TRAM2: variants seen among roughly 807,000 people sequenced by gnomAD.
TRAM2 encodes the protein translocating chain-associated membrane protein 2.
Under a neutral mutation model 51.0 loss-of-function variants are expected in TRAM2, and 12 were observed. That is an observed-to-expected ratio of 0.24 (90% CI 0.15 to 0.38). The LOEUF (loss-of-function observed/expected upper bound fraction) is 0.38, where lower values mean the gene tolerates loss of function less well. Among genes scored for constraint, TRAM2 ranks in the 10% least tolerant of loss-of-function variants. The probability of loss-of-function intolerance (pLI) is 1.00; values close to 1 mark genes in which losing one functional copy is unlikely to be tolerated. For synonymous variants in TRAM2, 175 were observed against 179.4 expected (o/e 0.98, Z 0.20); for missense variants, 361 against 462.0 (o/e 0.78, Z 2.00).
chr6:52,512,485 G>A lies in TRAM2; in HGVS notation c.412-2899C>T, dbSNP rs7770220. ...TCTGTCCAGGCAGCTGTCTGAAGGAGGACTGAGGCTGGGGCACCCTCTGAG... is the reference window on the plus strand; with the variant it reads ...TCTGTCCAGGCAGCTGTCTGAAGGAAGACTGAGGCTGGGGCACCCTCTGAG... On this transcript the variant is annotated intron_variant, in intron 4 of 10. Coordinates refer to ENST00000182527, the MANE Select transcript of TRAM2 (RefSeq NM_012288.4). 2.1e-3 allele frequency among the ~76,000 whole-genome samples: 316 copies of A among 152,296 alleles called. 3 individuals are homozygous for A. The highest frequency in any genetic ancestry group is 7.3e-3 in the African/African-American group (305 of 41,570).
At chr6:52,515,825 A>G (rs1766537154) in intron 4 of TRAM2, 181 bp downstream of exon 4, 1 of 620,894 alleles carries the variant, frequency 1.6e-6, no homozygotes, top group Admixed American at 2.7e-5. Context: ...CTGTAATACC[A>G]TGAGGATGCA....
At position 52,505,971 on chromosome 6, in the gene TRAM2, G is replaced by C. The variant is rs550439604; in HGVS notation, c.731+61C>G. 83 of 1,573,912 alleles carry C rather than the reference G, an allele frequency of 5.3e-5. No homozygotes were observed. The South Asian group carries it at 8.8e-4, about 17-fold the overall frequency. ...CAGGGAGGGACCCTCCAACCATCCG[G>C]GCCTCGGGGGAACCCCTGCCCAGGC... On this transcript the variant is annotated intron_variant, in intron 8 of 10. Coordinates refer to ENST00000182527, the MANE Select transcript of TRAM2 (RefSeq NM_012288.4).
chr6:52,530,616 C>T (rs2114082564), intron 2 of TRAM2, among the ~76,000 whole-genome samples: 1 of 152,262 alleles, frequency 6.6e-6, no homozygotes, highest in African/African-American at 2.4e-5. Context: ...GACACGCACA[C>T]AGGGAGAAGT....
Position 52,576,985 on chromosome 6 carries a change from G to A in TRAM2, c.-70C>T, listed in dbSNP as rs1767781358. 2 of 1,406,608 alleles carry A rather than the reference G, an allele frequency of 1.4e-6. No individual in the cohort carries two copies. The highest frequency in any genetic ancestry group is 9.2e-7 in the Non-Finnish European group (1 of 1,084,432). The allele number at this position is 1,406,608 out of a possible 1,614,324, so 87.1% of individuals were successfully genotyped here. On this transcript the variant is annotated 5_prime_UTR_variant, in exon 1 of 11. Transcript: ENST00000182527. ...ACGAACCGCAGCGCAAACTTCTCCA[G>A]CACCGGCCCGGTCCGCCCGCCGGCC...
chr6:52,544,846 G>T (rs1318750018), intron 1 of TRAM2, among the ~76,000 whole-genome samples: 2 of 152,146 alleles, frequency 1.3e-5, no homozygotes, highest in African/African-American at 2.4e-5. Flanking sequence ...CAGATGAACA[G>T]GAGATACAAA....
chr6:52,538,347 A>C (rs1767011038), intron 1 of TRAM2, among the ~76,000 whole-genome samples: 1 of 152,152 alleles, frequency 6.6e-6, no homozygotes. Flanking sequence ...TTCCTGAGGG[A>C]AGCCTCTCTC....
chr6:52,567,871 G>A (rs1401168794), intron 1 of TRAM2, among the ~76,000 whole-genome samples: 2 of 152,168 alleles, frequency 1.3e-5, no homozygotes. Context: ...GATTAGAAGT[G>A]AGCCCACTAA....
rs1051983288 is a variant in TRAM2 at position 52,501,580 on chromosome 6, CTTG to C, written c.*1614_*1616del. ...TTGTTTTTTTAGACAGAATTTCGCT[CTTG>C]TTGTCCAGGCTGGAGTGCCATGGTA... On this transcript the variant is annotated 3_prime_UTR_variant, in exon 11 of 11. Coordinates refer to ENST00000182527, the MANE Select transcript of TRAM2 (RefSeq NM_012288.4). 4 of 152,168 alleles carry C rather than the reference CTTG, an allele frequency of 2.6e-5. No homozygotes were observed. Among genetic ancestry groups the C allele is most frequent in the Non-Finnish European group, 5.9e-5 (4 of 68,050 alleles). 9.4% of individuals were successfully genotyped at this position (152,168 alleles called of 1,614,324 possible). A position where few individuals can be genotyped will look rare whatever the true frequency, so the allele number is the denominator to read the frequency against.
chr6:52,502,382 C>T lies in TRAM2; in HGVS notation c.*815G>A, dbSNP rs1279838420. 6.6e-6 allele frequency: 1 copy of T among 152,254 alleles called. No homozygotes were observed. The highest frequency in any genetic ancestry group is 2.4e-5 in the African/African-American group (1 of 41,456). 9.4% of individuals were successfully genotyped at this position (152,254 alleles called of 1,614,324 possible). ...TGTGGGTTCTGCCACCATTACCTTTCTGGAGGTGCCTGCTGCGCAGTTTGC... is the reference window on the plus strand; with the variant it reads ...TGTGGGTTCTGCCACCATTACCTTTTTGGAGGTGCCTGCTGCGCAGTTTGC... On this transcript the variant is annotated 3_prime_UTR_variant, in exon 11 of 11. Coordinates refer to ENST00000182527, the MANE Select transcript of TRAM2 (RefSeq NM_012288.4).
chr6:52,573,847 G>A (rs1204378794), intron 1 of TRAM2, among the ~76,000 whole-genome samples: 2 of 152,112 alleles, frequency 1.3e-5, no homozygotes, highest in Non-Finnish European at 2.9e-5. Flanking sequence ...GCTGCCTGGC[G>A]CGTGGGCTGA....
intron 2 of TRAM2, among the ~76,000 whole-genome samples, chr6:52,518,674 G>A (rs1391950664): frequency 6.6e-6 from 1 of 152,090 alleles, no homozygotes; most frequent in Admixed American, 6.6e-5. Flanking sequence ...GATCCAGGAT[G>A]GGGAGTCAGG....
At chr6:52,535,606 G>A (rs931200616) in intron 2 of TRAM2, among the ~76,000 whole-genome samples, 177 bp downstream of exon 2, 1 of 152,166 alleles carries the variant, frequency 6.6e-6, no homozygotes, top group African/African-American at 2.4e-5. Context: ...GCTTGAACCT[G>A]GGATGTGGAG....
Position 52,542,058 on chromosome 6 carries a change from G to C in TRAM2, c.121-6212C>G, listed in dbSNP as rs377206802. On this transcript the variant is annotated intron_variant, in intron 1 of 10. Coordinates refer to ENST00000182527, the MANE Select transcript of TRAM2 (RefSeq NM_012288.4). The stretch of plus-strand genomic sequence containing the variant: ...AAACACAGGGTAAAGCCAAGTGACA[G>C]GTCCTGCTGAGGCTGGGAAATTAGG... Among the ~76,000 whole-genome samples the C allele has an allele frequency of 3.4e-4, 52 of 152,186 alleles. No individual in the cohort carries two copies. The South Asian group carries it at 0.01, about 30-fold the overall frequency.
At chr6:52,559,563 G>C (rs1767463842) in intron 1 of TRAM2, among the ~76,000 whole-genome samples, 1 of 152,230 alleles carries the variant, frequency 6.6e-6, no homozygotes, top group African/African-American at 2.4e-5. Flanking sequence ...AATACAGGTA[G>C]AGTGCTTTTT....
At chr6:52,576,572 C>T (rs1391407230) in intron 1 of TRAM2, among the ~76,000 whole-genome samples, 3 of 152,166 alleles carry the variant, frequency 2.0e-5, no homozygotes, top group Non-Finnish European at 4.4e-5. Flanking sequence ...CCCAAGGGGG[C>T]GGCAGAGCAT....
intron 1 of TRAM2, among the ~76,000 whole-genome samples, chr6:52,576,231 A>G (rs1767762465): frequency 6.6e-6 from 1 of 152,220 alleles, no homozygotes; most frequent in Non-Finnish European, 1.5e-5. Flanking sequence ...GAGCGAGACG[A>G]GAGCAGAAGG....
chr6:52,541,598 G>C (rs557514476), intron 1 of TRAM2, among the ~76,000 whole-genome samples: 1 of 152,160 alleles, frequency 6.6e-6, no homozygotes, highest in African/African-American at 2.4e-5. Context: ...ATGTCTGACA[G>C]AGCAAGAAAA....
At chr6:52,532,435 A>AT (rs1043741623) in intron 2 of TRAM2, among the ~76,000 whole-genome samples, 4 of 151,668 alleles carry the variant, frequency 2.6e-5, no homozygotes, top group East Asian at 1.9e-4. Flanking sequence ...TGGTATTCTG[A>AT]TTTTTTTTTA....
At chr6:52,561,917 C>A (rs1392318094) in intron 1 of TRAM2, among the ~76,000 whole-genome samples, 4 of 152,170 alleles carry the variant, frequency 2.6e-5, no homozygotes, top group African/African-American at 7.2e-5. Flanking sequence ...AAACAGGTTT[C>A]TTTTGAAGAT....
Sources: allele counts gnomAD v4.1 joint callset (sites outside exome capture counted in the v4.1 genomes callset), GRCh38; gene constraint gnomAD v4.1.1; transcripts MANE v1.5; gene names NCBI Gene and HGNC (gene_info 2026-07-23, HGNC 2026-07-21).